Variants in DAB2IP observed in about 807,000 individuals in gnomAD.
DAB2IP encodes the protein disabled homolog 2-interacting protein.
Under a neutral mutation model 107.2 loss-of-function variants are expected in DAB2IP, and 28 were observed. The observed-to-expected ratio is 0.26, with a 90% CI of 0.19 to 0.36. DAB2IP has a LOEUF of 0.36. Ranked by LOEUF, DAB2IP falls within the 10% of genes least tolerant of loss-of-function variation. The pLI is 1.00. For missense variants in DAB2IP, 1,400 were observed against 1,644.7 expected (o/e 0.85, Z 2.57); for synonymous variants, 755 against 706.4 (o/e 1.07, Z -1.09).
chr9:121,735,404 C>T (rs12000129), intron 3 of DAB2IP, among the ~76,000 whole-genome samples: 3,602 of 152,288 alleles, frequency 0.024, 157 homozygotes, highest in African/African-American at 0.082. Context: ...CAGACAGTAT[C>T]CTGCCTGCCT....
At chr9:121,648,205 T>C (rs181554604), upstream of DAB2IP, among the ~76,000 whole-genome samples, 1 of 152,194 alleles carries the variant, frequency 6.6e-6, no homozygotes, top group African/African-American at 2.4e-5. Context: ...AAATCACCAC[T>C]GAAGAACTTA....
At chr9:121,568,762 C>T (rs1296833170) in intron 1 of DAB2IP, among the ~76,000 whole-genome samples, 1 of 152,114 alleles carries the variant, frequency 6.6e-6, no homozygotes, top group Admixed American at 6.5e-5. Flanking sequence ...AAGAGGCAGG[C>T]GAGGGGGTGG....
At chr9:121,619,754 TCCA>T (rs755622050) in intron 1 of DAB2IP, among the ~76,000 whole-genome samples, 9 of 152,204 alleles carry the variant, frequency 5.9e-5, no homozygotes, top group South Asian at 2.1e-4. Context: ...TGTCTGAAAT[TCCA>T]CCATTAGTGA....
intron 1 of DAB2IP, among the ~76,000 whole-genome samples, chr9:121,676,635 G>GCACACACACACACACACACACACACACA (rs35324441): frequency 1.3e-5 from 2 of 150,430 alleles, no homozygotes; most frequent in East Asian, 1.9e-4. Context: ...TTCTGCAGAC[G>GCACACACACACACACACACACACACACA]CACACACACA....
Position 121,766,673 on chromosome 9 carries a change from C to T in DAB2IP, c.1640C>T (p.Thr547Ile), listed in dbSNP as rs1230051963. ...CTGCAGGAGTACCCTGATGACCGCA[C>T]TGCCCGCACCCTCACCCTCATCGCC... The change falls in exon 9 of 16, where the codon ACT becomes ATT. Residue 547 changes from threonine (T) to isoleucine (I), a missense_variant. Transcript: ENST00000408936. 1.9e-6 allele frequency: 3 copies of T among 1,614,188 alleles called. No homozygotes were observed. The highest frequency in any genetic ancestry group is 2.5e-6 in the Non-Finnish European group (3 of 1,180,042).
At chr9:121,650,379 A>T (rs1482271694), upstream of DAB2IP, among the ~76,000 whole-genome samples, 1 of 152,080 alleles carries the variant, frequency 6.6e-6, no homozygotes, top group African/African-American at 2.4e-5. Context: ...AGCGCTAGGG[A>T]GGGGGCTTCC....
At chr9:121,774,186 C>T in intron 12 of DAB2IP, 74 bp from the exon 13 acceptor site, 1 of 1,440,872 alleles carries the variant, frequency 6.9e-7, no homozygotes, top group African/African-American at 1.5e-5. Context: ...CCTTGTGGCT[C>T]ACCTGGGCCA....
chr9:121,678,550 A>G, intron 1 of DAB2IP, 128 bp from the exon 2 acceptor site: 2 of 679,882 alleles, frequency 2.9e-6, no homozygotes, highest in African/African-American at 1.9e-5. Context: ...AGACTTTTCC[A>G]TAGTGCCTGG....
chr9:121,636,586 C>T (rs1463599600), intron 1 of DAB2IP, among the ~76,000 whole-genome samples: 4 of 152,134 alleles, frequency 2.6e-5, no homozygotes, highest in Non-Finnish European at 5.9e-5. Flanking sequence ...GCAGGAGGGC[C>T]GTCTGGTTTC....
intron 3 of DAB2IP, among the ~76,000 whole-genome samples, chr9:121,742,353 C>T (rs1451165700): frequency 1.3e-5 from 2 of 152,202 alleles, no homozygotes; most frequent in Non-Finnish European, 2.9e-5. Context: ...CACTTGAACC[C>T]GGGAGGCAGA....
At chr9:121,595,457 G>A (rs1373567780) in intron 1 of DAB2IP, among the ~76,000 whole-genome samples, 1 of 143,874 alleles carries the variant, frequency 7.0e-6, no homozygotes, top group Non-Finnish European at 1.6e-5. Context: ...ACAAAAATTA[G>A]CCCGCCATGG....
At chr9:121,709,447 C>T (rs1242826787) in intron 3 of DAB2IP, among the ~76,000 whole-genome samples, 2 of 152,192 alleles carry the variant, frequency 1.3e-5, no homozygotes, top group Non-Finnish European at 2.9e-5. Flanking sequence ...TGCATTTGCT[C>T]AGCTCATTCT....
intron 3 of DAB2IP, among the ~76,000 whole-genome samples, chr9:121,730,521 G>A (rs969809817): frequency 6.6e-6 from 1 of 152,240 alleles, no homozygotes; most frequent in Non-Finnish European, 1.5e-5. Flanking sequence ...GCAGGCTGCA[G>A]GGGCAGGGTC....
chr9:121,693,970 C>T (rs1273053169), intron 2 of DAB2IP, among the ~76,000 whole-genome samples: 1 of 152,160 alleles, frequency 6.6e-6, no homozygotes, highest in African/African-American at 2.4e-5. Context: ...TAGGGGCTGC[C>T]TCCTCGGCTG....
intron 1 of DAB2IP, among the ~76,000 whole-genome samples, chr9:121,676,632 G>GATGCACACACAC (rs1554723111): frequency 3.4e-5 from 3 of 88,438 alleles, no homozygotes; most frequent in African/African-American, 1.5e-4. Context: ...GAGTTCTGCA[G>GATGCACACACAC]ACGCACACAC....
chr9:121,645,156 G>A (rs1467726805), intron 1 of DAB2IP, among the ~76,000 whole-genome samples: 3 of 152,238 alleles, frequency 2.0e-5, no homozygotes, highest in Admixed American at 6.5e-5. Flanking sequence ...GAAAGGAGGG[G>A]CTGTGGGCGT....
rs914290213 is a variant in DAB2IP, at chr9:121,599,512, G to C, written c.40+32284G>C. On this transcript the variant is annotated intron_variant, in intron 1 of 16. Coordinates refer to the DAB2IP transcript ENST00000259371. This position sits in a 1 kb window ranked among gnomAD's most constrained non-coding sequence, Gnocchi z 6.9. ...TGCGATTGGCAGGGCTGGGCAGGCC[G>C]GGTGGCCGCGGGAGCCCGGGAGCCG... 3.9e-5 allele frequency among the ~76,000 whole-genome samples: 6 copies of C among 151,900 alleles called. No individual in the cohort carries two copies. The highest frequency in any genetic ancestry group is 1.4e-4 in the African/African-American group (6 of 41,392).
At position 121,782,949 on chromosome 9, in the gene DAB2IP, C is replaced by G. The variant is rs549876028; in HGVS notation, c.*451C>G. The G allele has an allele frequency of 9.8e-7, 1 of 1,019,458 alleles. No homozygotes were observed. Among genetic ancestry groups the G allele is most frequent in the Admixed American group, 5.1e-5 (1 of 19,634 alleles). 63.2% of individuals were successfully genotyped at this position (1,019,458 alleles called of 1,614,324 possible). A position where few individuals can be genotyped will look rare whatever the true frequency, so the allele number is the denominator to read the frequency against. ...CGCCTCCTTGGGGGGCCCGGGACTC[C>G]CTGGCAGCCAGGCCCTGTCATGTGG... is the stretch of plus-strand genomic sequence containing the variant. On this transcript the variant is annotated 3_prime_UTR_variant, in exon 16 of 16. Transcript: ENST00000408936. This position sits in a 1 kb window ranked among gnomAD's most constrained non-coding sequence, Gnocchi z 6.1.
At chr9:121,767,225 G>A (rs1221439623) in intron 9 of DAB2IP, among the ~76,000 whole-genome samples, 1 of 152,198 alleles carries the variant, frequency 6.6e-6, no homozygotes, top group Non-Finnish European at 1.5e-5. Flanking sequence ...AGAGCAAGTG[G>A]GCAGAAGTAG....
Sources: allele counts gnomAD v4.1 joint callset (sites outside exome capture counted in the v4.1 genomes callset), GRCh38; gene constraint gnomAD v4.1.1; non-coding constraint Gnocchi (gnomAD v3.1); transcripts MANE v1.5; gene names NCBI Gene and HGNC (gene_info 2026-07-23, HGNC 2026-07-21).